Variants in DPP6 observed in about 807,000 individuals in gnomAD.
DPP6 encodes A-type potassium channel modulatory protein DPP6.
A neutral mutation model predicts 122.6 loss-of-function variants in DPP6; 69 were observed. The ratio of observed to expected loss-of-function variants is 0.56; its 90% CI spans 0.46 to 0.69. The LOEUF (loss-of-function observed/expected upper bound fraction) is 0.69, where lower values mean the gene tolerates loss of function less well. Ranked by LOEUF, DPP6 falls within the 30% of genes least tolerant of loss-of-function variation. The probability of loss-of-function intolerance (pLI) is 0.00; values close to 1 mark genes in which losing one functional copy is unlikely to be tolerated. For synonymous variants in DPP6, 418 were observed against 433.1 expected, an observed-to-expected ratio of 0.97 and a Z score of 0.43; for missense variants, 928 against 1,116.9, an observed-to-expected ratio of 0.83 and a Z score of 2.41.
At chr7:153,784,015 G>C in the DPP6 span, among the ~76,000 whole-genome samples, 9 of 152,338 alleles carry the variant, frequency 5.9e-5, no homozygotes, top group Admixed American at 5.9e-4. Flanking sequence ...AGCCCCTAAT[G>C]CTATACCTGG....
upstream of DPP6, among the ~76,000 whole-genome samples, chr7:154,051,823 G>A (rs1400106192): frequency 6.6e-6 from 1 of 150,704 alleles, no homozygotes; most frequent in Non-Finnish European, 1.5e-5. Flanking sequence ...GGGAAGGGGC[G>A]GTTTCGGAGG....
chr7:154,113,587 T>C (rs1806764232), intron 1 of DPP6, among the ~76,000 whole-genome samples: 1 of 152,182 alleles, frequency 6.6e-6, no homozygotes, highest in African/African-American at 2.4e-5. Context: ...CATGTTTTAG[T>C]TGAAGAAATG....
At chr7:154,749,233 AG>A (rs1843207654) in intron 8 of DPP6, among the ~76,000 whole-genome samples, 2 of 126,524 alleles carry the variant, frequency 1.6e-5, no homozygotes, top group African/African-American at 3.0e-5. Context: ...GACAGGAGGG[AG>A]AGGGATGGAG....
the DPP6 span, among the ~76,000 whole-genome samples, chr7:153,810,621 A>T: frequency 6.7e-6 from 1 of 148,228 alleles, no homozygotes; most frequent in East Asian, 2.0e-4. Flanking sequence ...CTTTTCTTCT[A>T]CTTGTTTTCT....
intron 1 of DPP6, among the ~76,000 whole-genome samples, chr7:154,440,836 A>G (rs10242545): frequency 6.6e-6 from 1 of 151,884 alleles, no homozygotes; most frequent in Non-Finnish European, 1.5e-5. Flanking sequence ...GCTGTCCCCA[A>G]TGTGGCTGGC....
chr7:154,165,720 C>G (rs1797215281), intron 1 of DPP6, among the ~76,000 whole-genome samples: 1 of 152,126 alleles, frequency 6.6e-6, no homozygotes. Context: ...GAGATGGTAT[C>G]TCATTGTGGT....
At chr7:154,381,236 C>G (rs894568553) in intron 1 of DPP6, among the ~76,000 whole-genome samples, 2 of 152,214 alleles carry the variant, frequency 1.3e-5, no homozygotes, top group Non-Finnish European at 2.9e-5. Context: ...CCTTGCCGCT[C>G]CATGCCAGGC....
At chr7:154,822,342 G>A (rs565405898) in intron 16 of DPP6, among the ~76,000 whole-genome samples, 74 of 152,324 alleles carry the variant, frequency 4.9e-4, no homozygotes, top group African/African-American at 1.7e-3. Context: ...TGGTGAGGGC[G>A]TGCTATCTCG....
At chr7:154,735,659 G>A (rs1158797268) in intron 8 of DPP6, among the ~76,000 whole-genome samples, 1 of 152,218 alleles carries the variant, frequency 6.6e-6, no homozygotes, top group Non-Finnish European at 1.5e-5. Context: ...AGACAAGGAG[G>A]AAAAGCCAAG....
At chr7:154,560,857 T>C (rs1276041659) in intron 4 of DPP6, among the ~76,000 whole-genome samples, 1 of 147,838 alleles carries the variant, frequency 6.8e-6, no homozygotes, top group East Asian at 2.0e-4. Context: ...CACTCCAGCC[T>C]GGGTGACAGA....
chr7:154,841,284 CT>C (rs1801509664), intron 16 of DPP6, among the ~76,000 whole-genome samples: 1 of 149,324 alleles, frequency 6.7e-6, no homozygotes, highest in Non-Finnish European at 1.5e-5. Flanking sequence ...CCCCTGCAGG[CT>C]TTTGCCCACC....
chr7:154,618,742 C>T lies in DPP6; in HGVS notation c.628-19079C>T, dbSNP rs1834436572. ...ACTAAATGCTCTGTAGGCTTTATCT[C>T]ATTTTAACTTCACTTACTCATGTAA... On this transcript the variant is annotated intron_variant, in intron 5 of 25. Transcript: ENST00000377770. This position sits in a 1 kb window ranked among gnomAD's most constrained non-coding sequence, Gnocchi z 4.1. Among the ~76,000 whole-genome samples the T allele has an allele frequency of 6.6e-6, 1 of 152,174 alleles. No homozygotes were observed. The highest frequency in any genetic ancestry group is 6.5e-5 in the Admixed American group (1 of 15,278).
intron 1 of DPP6, among the ~76,000 whole-genome samples, chr7:154,265,848 C>A (rs1384351619): frequency 6.6e-6 from 1 of 152,150 alleles, no homozygotes; most frequent in Non-Finnish European, 1.5e-5. Flanking sequence ...TGTTACTTGA[C>A]TGGCTGTTAC....
intron 1 of DPP6, among the ~76,000 whole-genome samples, chr7:154,329,992 C>A (rs1266430339): frequency 6.6e-6 from 1 of 151,970 alleles, no homozygotes; most frequent in African/African-American, 2.4e-5. Flanking sequence ...AACACATGGA[C>A]GACACAGGGA....
At chr7:154,221,002 G>A (rs1202316388) in intron 1 of DPP6, among the ~76,000 whole-genome samples, 1 of 152,154 alleles carries the variant, frequency 6.6e-6, no homozygotes, top group African/African-American at 2.4e-5. Context: ...TACAGGTCTT[G>A]ATTGAAACTC....
intron 1 of DPP6, among the ~76,000 whole-genome samples, chr7:154,154,957 A>G (rs1796609503): frequency 6.6e-6 from 1 of 152,128 alleles, no homozygotes; most frequent in Non-Finnish European, 1.5e-5. Flanking sequence ...CTGAACTGCC[A>G]ACAGCTGAAC....
chr7:153,837,837 A>ATTTTTTTTTTTTTTTGTT, the DPP6 span, among the ~76,000 whole-genome samples: 1 of 80,630 alleles, frequency 1.2e-5, no homozygotes, highest in Non-Finnish European at 2.3e-5. Flanking sequence ...TGCCTGGTTA[A>ATTTTTTTTTTTTTTTGTT]TTTTTTTTTT....
At chr7:153,888,887 G>A (rs1799066472) in intron 1 of DPP6, among the ~76,000 whole-genome samples, 1 of 152,138 alleles carries the variant, frequency 6.6e-6, no homozygotes, top group South Asian at 2.1e-4. Flanking sequence ...AGTGATGGGG[G>A]TGCAGAGGCA....
intron 1 of DPP6, among the ~76,000 whole-genome samples, chr7:154,148,144 G>A (rs543813294): frequency 4.1e-5 from 6 of 146,374 alleles, no homozygotes; most frequent in South Asian, 2.1e-4. Context: ...GCTGTGGCCC[G>A]CAAAGTCTGA....
Sources: gnomAD v4.1 joint callset for allele counts (sites outside exome capture counted in the v4.1 genomes callset) on GRCh38, gnomAD v4.1.1 for gene constraint, Gnocchi (gnomAD v3.1) non-coding constraint, MANE v1.5 for transcripts, NCBI Gene and HGNC (gene_info 2026-07-23, HGNC 2026-07-21) for gene names.